MACROD2: variants seen among roughly 807,000 people sequenced by gnomAD.
MACROD2 encodes the protein ADP-ribose glycohydrolase MACROD2.
In MACROD2, 36 loss-of-function variants were observed where a neutral mutation model predicts 70.4. That is an observed-to-expected ratio of 0.51 (90% CI 0.39 to 0.68). MACROD2 has a LOEUF of 0.68. Among genes scored for constraint, MACROD2 ranks in the 30% least tolerant of loss-of-function variants. The pLI is 0.00. For synonymous variants in MACROD2, 172 were observed against 178.8 expected, an observed-to-expected ratio of 0.96 and a Z score of 0.30; for missense variants, 496 against 538.4, an observed-to-expected ratio of 0.92 and a Z score of 0.78.
At chr20:14,463,677 A>C (rs2084401087) in intron 3 of MACROD2, among the ~76,000 whole-genome samples, 1 of 152,110 alleles carries the variant, frequency 6.6e-6, no homozygotes, top group Non-Finnish European at 1.5e-5. Flanking sequence ...GGTTTGTCAT[A>C]GATAGCTCTT....
intron 5 of MACROD2, among the ~76,000 whole-genome samples, chr20:14,949,114 T>C (rs940696006): frequency 6.6e-6 from 1 of 152,220 alleles, no homozygotes; most frequent in African/African-American, 2.4e-5. Context: ...ATCAGAATTA[T>C]GCTTTAGCGA....
chr20:15,997,532 TTTTTC>T (rs1226196401), intron 15 of MACROD2, among the ~76,000 whole-genome samples: 8 of 152,184 alleles, frequency 5.3e-5, no homozygotes. Flanking sequence ...ATGCACCTGA[TTTTTC>T]TGTTGATTTC....
chr20:15,582,675 G>A (rs2048541619), intron 8 of MACROD2, among the ~76,000 whole-genome samples: 1 of 152,152 alleles, frequency 6.6e-6, no homozygotes, highest in South Asian at 2.1e-4. Flanking sequence ...AGAATCCACT[G>A]GCATTCTGTT....
intron 8 of MACROD2, among the ~76,000 whole-genome samples, chr20:15,621,819 G>A (rs2049129968): frequency 6.6e-6 from 1 of 152,200 alleles, no homozygotes. Flanking sequence ...CACGCAGAAT[G>A]TACTTTTAAT....
intron 8 of MACROD2, among the ~76,000 whole-genome samples, chr20:15,568,099 C>T (rs755979896): frequency 6.6e-6 from 1 of 152,162 alleles, no homozygotes; most frequent in Non-Finnish European, 1.5e-5. Context: ...GGTTCTGGCT[C>T]TAAATTTCTA....
intron 8 of MACROD2, among the ~76,000 whole-genome samples, chr20:15,586,353 G>A (rs772598326): frequency 2.0e-5 from 3 of 152,172 alleles, no homozygotes; most frequent in Non-Finnish European, 4.4e-5. Flanking sequence ...AGAACTGCTG[G>A]TGTGAGCCTG....
At chr20:14,768,656 GC>G (rs1372957811) in intron 5 of MACROD2, among the ~76,000 whole-genome samples, 3 of 151,782 alleles carry the variant, frequency 2.0e-5, no homozygotes, top group African/African-American at 7.3e-5. Flanking sequence ...TCGCTCTGTT[GC>G]CCAGGTTGGA....
At chr20:15,216,770 C>T (rs536090699) in intron 5 of MACROD2, among the ~76,000 whole-genome samples, 3 of 152,124 alleles carry the variant, frequency 2.0e-5, no homozygotes, top group Non-Finnish European at 4.4e-5. Context: ...TGAGAGTAAG[C>T]GCTTTTCTCA....
At chr20:15,328,946 T>C (rs528721563) in intron 6 of MACROD2, among the ~76,000 whole-genome samples, 1 of 152,186 alleles carries the variant, frequency 6.6e-6, no homozygotes, top group Admixed American at 6.6e-5. Context: ...ATGATCTAAA[T>C]ATACAGCGAT....
chr20:14,069,330 T>C (rs1270333957), intron 2 of MACROD2, among the ~76,000 whole-genome samples: 1 of 152,166 alleles, frequency 6.6e-6, no homozygotes, highest in Non-Finnish European at 1.5e-5. Context: ...ATTTCCTTTT[T>C]TTCCTGTAAA....
intron 8 of MACROD2, among the ~76,000 whole-genome samples, chr20:15,725,115 A>G (rs1290931182): frequency 6.6e-6 from 1 of 152,150 alleles, no homozygotes; most frequent in East Asian, 1.9e-4. Context: ...AAAAAAATCT[A>G]TAGAATTAGC....
At chr20:15,688,428 A>G (rs6034261) in intron 8 of MACROD2, among the ~76,000 whole-genome samples, 34,196 of 152,092 alleles carry the variant, frequency 0.22, 6,062 homozygotes, top group African/African-American at 0.5. Context: ...TCTGATATTG[A>G]CAGCAGATGT....
At chr20:15,697,170 CT>C in intron 8 of MACROD2, among the ~76,000 whole-genome samples, 1 of 152,214 alleles carries the variant, frequency 6.6e-6, no homozygotes, top group Non-Finnish European at 1.5e-5. Context: ...CTCTTTCAAA[CT>C]TTTTGATGAA....
chr20:15,827,066 A>G (rs1271454340), intron 8 of MACROD2, among the ~76,000 whole-genome samples: 1 of 152,186 alleles, frequency 6.6e-6, no homozygotes, highest in Non-Finnish European at 1.5e-5. Context: ...GTTTCTTGAA[A>G]GCCATTTTCT....
chr20:15,987,548 T>G (rs1330181710), intron 15 of MACROD2, among the ~76,000 whole-genome samples: 1 of 152,142 alleles, frequency 6.6e-6, no homozygotes, highest in East Asian at 1.9e-4. Flanking sequence ...TCTTCCTTAG[T>G]ATAGTAGTGA....
intron 3 of MACROD2, among the ~76,000 whole-genome samples, chr20:14,287,245 A>G (rs2082352482): frequency 6.6e-6 from 1 of 152,212 alleles, no homozygotes; most frequent in Non-Finnish European, 1.5e-5. Context: ...TTCAACTTCA[A>G]TTAGATTTTA....
chr20:15,458,030 A>G (rs7351768), intron 7 of MACROD2, among the ~76,000 whole-genome samples: 2 of 151,774 alleles, frequency 1.3e-5, no homozygotes, highest in African/African-American at 4.8e-5. Flanking sequence ...TCCATAGTAC[A>G]TCGTAGGTAT....
At chr20:15,938,788 T>C (rs1329863588) in intron 12 of MACROD2, among the ~76,000 whole-genome samples, 1 of 152,174 alleles carries the variant, frequency 6.6e-6, no homozygotes, top group East Asian at 1.9e-4. Context: ...TAGGCTGAAA[T>C]CTAGGCCTCT....
chr20:15,596,234 A>G (rs534514280), intron 8 of MACROD2, among the ~76,000 whole-genome samples: 11 of 152,310 alleles, frequency 7.2e-5, no homozygotes, highest in African/African-American at 2.6e-4. Context: ...GCTCCTGTTG[A>G]TGGCCAGACC....
Sources: allele counts gnomAD v4.1 joint callset (sites outside exome capture counted in the v4.1 genomes callset), GRCh38; gene constraint gnomAD v4.1.1; transcripts MANE v1.5; gene names NCBI Gene and HGNC (gene_info 2026-07-23, HGNC 2026-07-21).